TCF12: variants seen among roughly 807,000 people sequenced by gnomAD.
The protein encoded by TCF12 is DNA-binding protein HTF4.
TCF12 carries 45 observed loss-of-function variants against 86.0 expected under a neutral mutation model. That is an observed-to-expected ratio of 0.52 (90% CI 0.41 to 0.67). The LOEUF is 0.67. Ranked by LOEUF, TCF12 falls within the 30% of genes least tolerant of loss-of-function variation. TCF12 has a pLI of 0.00. For synonymous variants in TCF12, 330 were observed against 299.6 expected (o/e 1.10, Z -1.05); for missense variants, 881 against 859.9 (o/e 1.02, Z -0.31).
chr15:57,172,712 T>C lies in TCF12; in HGVS notation c.390+6246T>C, dbSNP rs557834520. Among the ~76,000 whole-genome samples the C allele has an allele frequency of 5.9e-5, 9 of 152,194 alleles. No individual in the cohort carries two copies. In the East Asian group the frequency reaches 1.7e-3, roughly 29 times the overall value. ...ACTTCTTGGGTGATGAAATAACGTG[T>C]ACAAACCTCCCCGACACGAGTTTAC... On this transcript the variant is annotated intron_variant, in intron 6 of 20. Transcript: ENST00000333725.
At chr15:57,217,076 G>A (rs529512270) in intron 8 of TCF12, among the ~76,000 whole-genome samples, 1 of 152,072 alleles carries the variant, frequency 6.6e-6, no homozygotes, top group East Asian at 1.9e-4. Context: ...GTTTGTATTG[G>A]CAGGGGAGGT....
chr15:57,106,246 T>C (rs1238507365), intron 5 of TCF12, among the ~76,000 whole-genome samples: 2 of 152,224 alleles, frequency 1.3e-5, no homozygotes, highest in Non-Finnish European at 2.9e-5. Context: ...ATAGTGAAAT[T>C]CTAATAAAGT....
At chr15:57,154,108 T>C (rs974825791) in intron 5 of TCF12, among the ~76,000 whole-genome samples, 1 of 151,950 alleles carries the variant, frequency 6.6e-6, no homozygotes, top group Non-Finnish European at 1.5e-5. Flanking sequence ...TCCAGCCATA[T>C]CAGTAATATA....
intron 3 of TCF12, among the ~76,000 whole-genome samples, chr15:56,965,742 A>T (rs2061973590): frequency 6.6e-6 from 1 of 152,120 alleles, no homozygotes; most frequent in African/African-American, 2.4e-5. Context: ...AACTTTAGGG[A>T]TATTCCCCAT....
chr15:57,094,995 CAG>C (rs2049226774), intron 5 of TCF12, among the ~76,000 whole-genome samples: 1 of 152,152 alleles, frequency 6.6e-6, no homozygotes. Context: ...CAATTTGCAA[CAG>C]AAAGTGTGTT....
At chr15:57,271,790 G>C (rs2061156971) in intron 18 of TCF12, among the ~76,000 whole-genome samples, 1 of 151,896 alleles carries the variant, frequency 6.6e-6, no homozygotes, top group African/African-American at 2.4e-5. Context: ...CTTTATTGAG[G>C]CTTAATACAC....
At chr15:57,217,754 G>C (rs1363265696) in intron 8 of TCF12, among the ~76,000 whole-genome samples, 2 of 151,938 alleles carry the variant, frequency 1.3e-5, no homozygotes, top group Non-Finnish European at 2.9e-5. Flanking sequence ...TGTTTTGAGA[G>C]TAGCCGATCT....
rs181390809 is a variant in TCF12, at chr15:57,061,090, A to G, written c.149-2660A>G. 1.3e-4 allele frequency among the ~76,000 whole-genome samples: 20 copies of G among 152,006 alleles called. No individual in the cohort carries two copies. In the East Asian group the frequency reaches 3.7e-3, roughly 28 times the overall value. On this transcript the variant is annotated intron_variant, in intron 3 of 20. Coordinates refer to ENST00000333725, the MANE Select transcript of TCF12 (RefSeq NM_207037.2). ...ATTTCCAGTATCAGTGGTATGTACT[A>G]CTCTTTAGCTGGTGATGCCATCACC...
intron 5 of TCF12, among the ~76,000 whole-genome samples, chr15:57,119,415 A>T (rs2051072802): frequency 6.8e-6 from 1 of 147,850 alleles, no homozygotes; most frequent in African/African-American, 2.5e-5. Flanking sequence ...AGCCTTCCAA[A>T]CCGCTGGAAT....
intron 3 of TCF12, among the ~76,000 whole-genome samples, chr15:56,959,931 TG>T (rs1161363498): frequency 6.6e-6 from 1 of 152,198 alleles, no homozygotes; most frequent in Non-Finnish European, 1.5e-5. Flanking sequence ...TCCAATTTTT[TG>T]ACAACTTGAA....
intron 8 of TCF12, among the ~76,000 whole-genome samples, chr15:57,223,653 T>TTTTTTTTTTTTTTTTTG (rs2058721129): frequency 1.5e-5 from 2 of 135,294 alleles, no homozygotes; most frequent in African/African-American, 5.5e-5. Flanking sequence ...GTTTTTTTTT[T>TTTTTTTTTTTTTTTTTG]TTTTTTTTTT....
At chr15:57,063,534 A>G (rs970158557) in intron 3 of TCF12, among the ~76,000 whole-genome samples, 2 of 152,188 alleles carry the variant, frequency 1.3e-5, no homozygotes, top group African/African-American at 2.4e-5. Context: ...CTGAATTACT[A>G]TAATTTACAT....
At chr15:57,133,624 G>GTTT (rs61579168) in intron 5 of TCF12, among the ~76,000 whole-genome samples, 13 of 144,632 alleles carry the variant, frequency 9.0e-5, no homozygotes, top group South Asian at 2.2e-4. Flanking sequence ...GCAGTAATGT[G>GTTT]TTTTTTTTTT....
At chr15:57,145,103 A>G (rs2053263373) in intron 5 of TCF12, among the ~76,000 whole-genome samples, 1 of 152,236 alleles carries the variant, frequency 6.6e-6, no homozygotes. Flanking sequence ...ATTTAAGAAC[A>G]TTTAAACATC....
chr15:57,091,839 A>G lies in TCF12; in HGVS notation c.273A>G (p.Leu91=). 1 of 1,613,916 alleles carries G rather than the reference A, an allele frequency of 6.2e-7. No individual in the cohort carries two copies. Among genetic ancestry groups the G allele is most frequent in the Non-Finnish European group, 8.5e-7 (1 of 1,179,850 alleles). ...HYSDHLNDSR[L]GAHEGLSPTP... ...GTGATCACTTGAATGACAGTCGATTAGGAGCCCATGAAGGCTTGTCCCCAA... is the reference window on the plus strand; with the variant it reads ...GTGATCACTTGAATGACAGTCGATTGGGAGCCCATGAAGGCTTGTCCCCAA... Residue 91 remains leucine, a synonymous_variant, in exon 5 of 21, where the codon TTA becomes TTG. Coordinates refer to ENST00000333725, the MANE Select transcript of TCF12 (RefSeq NM_207037.2).
rs527277050 is a variant in TCF12, at chr15:57,173,079, ACT to A, written c.390+6616_390+6617del. On this transcript the variant is annotated intron_variant, in intron 6 of 20. Transcript: ENST00000333725. ...ACTCCAGCCTGGGCAACAGAGCAAG[ACT>A]CTGTCTCAAAAACCAATGTCAGTAA... Among the ~76,000 whole-genome samples, 8 of 152,308 alleles carry A rather than the reference ACT, an allele frequency of 5.3e-5. No individual in the cohort carries two copies. In the South Asian group the frequency reaches 1.0e-3, roughly 20 times the overall value.
chr15:57,051,610 C>T (rs1274635200), intron 3 of TCF12, among the ~76,000 whole-genome samples: 1 of 152,148 alleles, frequency 6.6e-6, no homozygotes, highest in Admixed American at 6.5e-5. Context: ...AGGCATGAGG[C>T]ACCACGCCCA....
At chr15:57,285,683 T>C (rs1335811041) in intron 20 of TCF12, among the ~76,000 whole-genome samples, 1 of 152,220 alleles carries the variant, frequency 6.6e-6, no homozygotes, top group Non-Finnish European at 1.5e-5. Flanking sequence ...AACTTGAGTG[T>C]TATTAAAATG....
intron 3 of TCF12, among the ~76,000 whole-genome samples, chr15:56,989,195 A>G (rs1325333274): frequency 2.0e-5 from 3 of 152,156 alleles, no homozygotes; most frequent in Admixed American, 1.3e-4. Context: ...AGATTTTAAC[A>G]TTAGAAAAAA....
Sources: gnomAD v4.1 joint callset for allele counts (sites outside exome capture counted in the v4.1 genomes callset) on GRCh38, gnomAD v4.1.1 for gene constraint, MANE v1.5 for transcripts, NCBI Gene and HGNC (gene_info 2026-07-23, HGNC 2026-07-21) for gene names.